Variants in CAND1 observed in about 807,000 individuals in gnomAD.
CAND1 encodes the protein cullin associated and neddylation dissociated 1.
In CAND1, 7 loss-of-function variants were observed where a neutral mutation model predicts 108.5. The observed-to-expected ratio is 0.06, with a 90% CI of 0.04 to 0.12. CAND1 has a LOEUF of 0.12. Among genes scored for constraint, CAND1 ranks in the 10% least tolerant of loss-of-function variants. CAND1 has a pLI of 1.00. For synonymous variants in CAND1, 534 were observed against 512.0 expected (o/e 1.04, Z -0.58); for missense variants, 941 against 1,448.7 (o/e 0.65, Z 5.69).
Position 67,307,391 on chromosome 12 carries a change from A to G in CAND1, c.2930-6A>G. On this transcript the variant is annotated splice_region_variant and splice_polypyrimidine_tract_variant and intron_variant, in intron 10 of 14. Transcript: ENST00000545606. ...ACCAATAGACTTGCAATTTATTTTT[A>G]ACTAGGCTCATCATATGCCCGAAGC... is the stretch of plus-strand genomic sequence containing the variant. 1.2e-6 allele frequency: 2 copies of G among 1,606,370 alleles called. No homozygotes were observed. Among genetic ancestry groups the G allele is most frequent in the Non-Finnish European group, 1.7e-6 (2 of 1,174,516 alleles).
At chr12:67,274,765 A>T (rs544759860) in intron 1 of CAND1, among the ~76,000 whole-genome samples, 29 of 152,226 alleles carry the variant, frequency 1.9e-4, no homozygotes, top group African/African-American at 6.0e-4. Context: ...TTATTTATTT[A>T]AGTGTTTTGG....
At chr12:67,294,633 A>G (rs1392587) in intron 3 of CAND1, among the ~76,000 whole-genome samples, 74,525 of 152,032 alleles carry the variant, frequency 0.49, 19,583 homozygotes, top group Non-Finnish European at 0.59. Flanking sequence ...CTAGTTATCT[A>G]TAATATCTAC....
At chr12:67,277,477 C>G (rs1341851885) in intron 1 of CAND1, among the ~76,000 whole-genome samples, 2 of 152,044 alleles carry the variant, frequency 1.3e-5, no homozygotes, top group African/African-American at 4.8e-5. Context: ...CTTAGGAATG[C>G]TAGACAGCAT....
chr12:67,309,921 G>A lies in CAND1; in HGVS notation c.3046G>A (p.Glu1016Lys), dbSNP rs2044930851. ...NCIGDFLKTL[E>K]DPDLNVRRVA... ...TTCAGGTGATTTCCTAAAAACTTTG[G>A]AAGACCCAGATTTGAATGTGAGAAG... The change falls in exon 12 of 15, where the codon GAA (glutamate) becomes AAA (lysine). Residue 1016 changes from glutamate (E) to lysine (K), a missense_variant. This residue lies in a region of CAND1 where 106 missense variants were observed against 182.0 expected (regional missense o/e 0.58). Transcript: ENST00000545606. 1 of 1,601,550 alleles carries A rather than the reference G, an allele frequency of 6.2e-7. No homozygotes were observed. The highest frequency in any genetic ancestry group is 8.5e-7 in the Non-Finnish European group (1 of 1,175,688).
At chr12:67,292,156 T>A (rs898768386) in intron 2 of CAND1, among the ~76,000 whole-genome samples, 1 of 152,024 alleles carries the variant, frequency 6.6e-6, no homozygotes, top group African/African-American at 2.4e-5. Context: ...TATGAGCCAC[T>A]GCATCCGGCC....
rs982748294 is a variant in CAND1, at chr12:67,292,874, T to C, written c.367+98T>C. On this transcript the variant is annotated intron_variant, in intron 3 of 14. Coordinates refer to ENST00000545606, the MANE Select transcript of CAND1 (RefSeq NM_018448.5). ...CTGGCCAAGGAGGGAGGGAGGTGGC[T>C]GTCCTTACAGATGTTCATAGGAATC... The C allele has an allele frequency of 3.3e-5, 37 of 1,114,722 alleles. No homozygotes were observed. The African/African-American group carries it at 5.3e-4, about 16-fold the overall frequency. 69.1% of individuals were successfully genotyped at this position (1,114,722 alleles called of 1,614,324 possible).
intron 1 of CAND1, among the ~76,000 whole-genome samples, chr12:67,276,158 T>G (rs1206964319): frequency 6.6e-6 from 1 of 152,210 alleles, no homozygotes; most frequent in Non-Finnish European, 1.5e-5. Context: ...ATACTGCAGC[T>G]GATCATTGCC....
At chr12:67,284,212 A>T (rs904786669) in intron 2 of CAND1, among the ~76,000 whole-genome samples, 2 of 152,128 alleles carry the variant, frequency 1.3e-5, no homozygotes, top group African/African-American at 4.8e-5. Flanking sequence ...TAGGGTAAGT[A>T]TGAAAACCTT....
At chr12:67,288,979 C>G (rs1399612144) in intron 2 of CAND1, among the ~76,000 whole-genome samples, 15 of 152,124 alleles carry the variant, frequency 9.9e-5, no homozygotes, top group Admixed American at 9.2e-4. Flanking sequence ...TGGTAATACA[C>G]CTTACCTTGA....
intron 2 of CAND1, among the ~76,000 whole-genome samples, chr12:67,284,947 GA>G (rs1236931068): frequency 6.6e-6 from 1 of 152,102 alleles, no homozygotes; most frequent in Non-Finnish European, 1.5e-5. Context: ...AGAGGCATAA[GA>G]ATTGAAAAGT....
chr12:67,276,294 T>C (rs779526428), intron 1 of CAND1, among the ~76,000 whole-genome samples: 1 of 152,226 alleles, frequency 6.6e-6, no homozygotes, highest in Admixed American at 6.5e-5. Context: ...TATAACTCAT[T>C]TAGTGGATAT....
chr12:67,294,427 C>G (rs1331043378), intron 3 of CAND1, among the ~76,000 whole-genome samples: 1 of 151,940 alleles, frequency 6.6e-6, no homozygotes, highest in African/African-American at 2.4e-5. Flanking sequence ...AGCATTGGAG[C>G]TCAGAATATA....
intron 8 of CAND1, among the ~76,000 whole-genome samples, chr12:67,303,696 C>T (rs563549032): frequency 2.6e-5 from 4 of 152,174 alleles, no homozygotes; most frequent in African/African-American, 4.8e-5. Flanking sequence ...GCTTTGCATC[C>T]GTAAGATTTG....
At chr12:67,292,540 A>G (rs2044732271) in intron 2 of CAND1, 82 bp from the exon 3 acceptor site, 1 of 929,410 alleles carries the variant, frequency 1.1e-6, no homozygotes, top group Non-Finnish European at 1.6e-6. Flanking sequence ...TCTAGGCGGA[A>G]AGGTTAACAT....
intron 8 of CAND1, among the ~76,000 whole-genome samples, chr12:67,303,063 G>T (rs2044841949): frequency 6.6e-6 from 1 of 152,200 alleles, no homozygotes; most frequent in Non-Finnish European, 1.5e-5. Flanking sequence ...AGAGCATTCA[G>T]TGTAGTGCCT....
At chr12:67,286,074 C>T (rs373068062) in intron 2 of CAND1, among the ~76,000 whole-genome samples, 1 of 152,112 alleles carries the variant, frequency 6.6e-6, no homozygotes, top group African/African-American at 2.4e-5. Flanking sequence ...GTGGCTGGAT[C>T]TCTGCTCACT....
intron 1 of CAND1, among the ~76,000 whole-genome samples, chr12:67,277,527 C>T (rs908917572): frequency 3.3e-5 from 5 of 152,006 alleles, no homozygotes; most frequent in East Asian, 3.9e-4. Flanking sequence ...ACAACAAGAG[C>T]GCCAAGAAAA....
At chr12:67,292,467 A>C (rs1565721064) in intron 2 of CAND1, among the ~76,000 whole-genome samples, 155 bp from the exon 3 acceptor site, 1 of 152,128 alleles carries the variant, frequency 6.6e-6, no homozygotes, top group African/African-American at 2.4e-5. Context: ...ACCAATCACA[A>C]TTTTTTATGT....
In CAND1 at chr12:67,297,631, C is replaced by G; in HGVS notation, c.716C>G (p.Ala239Gly). The G allele has an allele frequency of 6.2e-7, 1 of 1,613,418 alleles. No individual in the cohort carries two copies. Among genetic ancestry groups the G allele is most frequent in the Non-Finnish European group, 8.5e-7 (1 of 1,179,488 alleles). Residue 239 changes from alanine to glycine, a missense_variant, in exon 5 of 15, where the codon GCT becomes GGT. Ala to Gly is a moderately conservative substitution (Grantham distance 60). This residue lies in a region of CAND1 where 697 missense variants were observed against 942.0 expected (regional missense o/e 0.74). Coordinates refer to ENST00000545606, the MANE Select transcript of CAND1 (RefSeq NM_018448.5). Reference sequence around the variant, plus strand: ...ACAAGAACCTACATACAATGTATTGCTGCTATTAGTAGGCAAGCTGGTCAT... The same window carrying G: ...ACAAGAACCTACATACAATGTATTGGTGCTATTAGTAGGCAAGCTGGTCAT... ...STTRTYIQCI[A>G]AISRQAGHRI...
Sources: allele counts gnomAD v4.1 joint callset (sites outside exome capture counted in the v4.1 genomes callset), GRCh38; gene constraint gnomAD v4.1.1; regional missense constraint gnomAD v4.1.1; transcripts MANE v1.5; gene names NCBI Gene and HGNC (gene_info 2026-07-23, HGNC 2026-07-21).